The following GBE1 variants were observed in gnomAD, a reference collection of about 807,000 sequenced individuals.
GBE1 encodes 1,4-alpha-glucan-branching enzyme.
GBE1 carries 70 observed loss-of-function variants against 88.8 expected under a neutral mutation model. That is an observed-to-expected ratio of 0.79 (90% confidence interval 0.65 to 0.96). The LOEUF (loss-of-function observed/expected upper bound fraction) is 0.96, where lower values mean the gene tolerates loss of function less well. GBE1 is among the 40% of genes least tolerant of loss of function. GBE1 has a pLI of 0.00. For missense variants in GBE1, 872 were observed against 871.0 expected, an observed-to-expected ratio of 1.00 and a Z score of -0.01; for synonymous variants, 284 against 300.1, an observed-to-expected ratio of 0.95 and a Z score of 0.56.
intron 6 of GBE1, among the ~76,000 whole-genome samples, chr3:81,645,655 G>A (rs918612737): frequency 1.4e-4 from 21 of 152,052 alleles, no homozygotes; most frequent in South Asian, 4.2e-4. Flanking sequence ...ACCTATTTAC[G>A]CCCACTTCAC....
At chr3:81,531,885 G>T (rs973216071) in intron 14 of GBE1, among the ~76,000 whole-genome samples, 1 of 152,006 alleles carries the variant, frequency 6.6e-6, no homozygotes, top group Non-Finnish European at 1.5e-5. Context: ...TGGAACTCAG[G>T]TTCCAAATGC....
intron 7 of GBE1, among the ~76,000 whole-genome samples, chr3:81,627,845 G>A (rs1704440782): frequency 6.6e-6 from 1 of 151,496 alleles, no homozygotes; most frequent in Non-Finnish European, 1.5e-5. Flanking sequence ...AGTGGGCAGT[G>A]GTGCAATCAT....
chr3:81,636,823 T>G (rs1488203120), intron 7 of GBE1, among the ~76,000 whole-genome samples: 2 of 152,160 alleles, frequency 1.3e-5, no homozygotes, highest in Non-Finnish European at 2.9e-5. Flanking sequence ...AGCCGCCATG[T>G]CCAGCCATCA....
chr3:81,683,493 G>A (rs1417460060), intron 2 of GBE1, among the ~76,000 whole-genome samples: 3 of 152,122 alleles, frequency 2.0e-5, no homozygotes, highest in African/African-American at 7.2e-5. Context: ...AATTTTCAAG[G>A]CTTTTGCCAA....
At chr3:81,514,220 T>C (rs1377714616) in intron 14 of GBE1, among the ~76,000 whole-genome samples, 1 of 141,076 alleles carries the variant, frequency 7.1e-6, no homozygotes, top group African/African-American at 2.5e-5. Flanking sequence ...AAAGAACACA[T>C]GAGAAAAAAA....
chr3:81,544,465 C>T (rs563602820), intron 12 of GBE1, among the ~76,000 whole-genome samples: 2 of 152,140 alleles, frequency 1.3e-5, no homozygotes, highest in African/African-American at 4.8e-5. Flanking sequence ...TTTGAGCCAT[C>T]GCTTGGGACC....
intron 1 of GBE1, among the ~76,000 whole-genome samples, chr3:81,742,738 C>T (rs916297405): frequency 6.6e-6 from 1 of 152,032 alleles, no homozygotes; most frequent in Admixed American, 6.6e-5. Context: ...CAGAATTGCC[C>T]GAGGACTGTT....
rs570965088 is a variant in GBE1 at position 81,703,618 on chromosome 3, C to A, written c.313+1826G>T. 1.1e-3 allele frequency among the ~76,000 whole-genome samples: 160 copies of A among 152,072 alleles called. 1 individual carries two copies. Among genetic ancestry groups the A allele is most frequent in the Non-Finnish European group, 1.8e-3 (125 of 67,886 alleles). ...ACCTCTTAATTTTGTTTGGAAAAAA[C>A]TGGGTATATGAACATACTTTTAAAC... On this transcript the variant is annotated intron_variant, in intron 2 of 15. Coordinates refer to ENST00000429644, the MANE Select transcript of GBE1 (RefSeq NM_000158.4).
chr3:81,746,731 TCAAAAA>T (rs1414567610), intron 1 of GBE1, among the ~76,000 whole-genome samples: 2 of 151,746 alleles, frequency 1.3e-5, no homozygotes, highest in Non-Finnish European at 2.9e-5. Context: ...AATATGAAAA[TCAAAAA>T]CTGAAAAGAA....
At chr3:81,560,082 G>A (rs1222694662) in intron 12 of GBE1, among the ~76,000 whole-genome samples, 1 of 151,796 alleles carries the variant, frequency 6.6e-6, no homozygotes, top group Non-Finnish European at 1.5e-5. Flanking sequence ...TCAATAAATG[G>A]ATTTCTCAGA....
chr3:81,581,581 T>C (rs1383943777), intron 10 of GBE1, among the ~76,000 whole-genome samples: 3 of 152,162 alleles, frequency 2.0e-5, no homozygotes, highest in Non-Finnish European at 4.4e-5. Context: ...CTGCCACCTC[T>C]TGATTAATGC....
chr3:81,731,377 T>C (rs1706183514), intron 1 of GBE1, among the ~76,000 whole-genome samples: 1 of 152,196 alleles, frequency 6.6e-6, no homozygotes, highest in Non-Finnish European at 1.5e-5. Flanking sequence ...CTTCTTTTAT[T>C]CCTTCAGGCC....
chr3:81,753,118 T>C (rs1706554277), intron 1 of GBE1, among the ~76,000 whole-genome samples: 1 of 152,226 alleles, frequency 6.6e-6, no homozygotes, highest in Non-Finnish European at 1.5e-5. Context: ...TAAAATTTAA[T>C]TGTATAATAA....
At chr3:81,729,138 G>A (rs984652936) in intron 1 of GBE1, among the ~76,000 whole-genome samples, 1 of 152,096 alleles carries the variant, frequency 6.6e-6, no homozygotes, top group Non-Finnish European at 1.5e-5. Flanking sequence ...AAATGAACTT[G>A]CAAAATGGAA....
At chr3:81,613,149 T>A in intron 7 of GBE1, 2 of 134,820 alleles carry the variant, frequency 1.5e-5, no homozygotes, top group Non-Finnish European at 1.5e-5. Context: ...AGCTGCAGTC[T>A]TTTTTTTTTT....
intron 14 of GBE1, among the ~76,000 whole-genome samples, chr3:81,508,342 TTCTGCACTAACC>T (rs1167832881): frequency 1.3e-5 from 2 of 152,176 alleles, no homozygotes; most frequent in African/African-American, 4.8e-5. Context: ...GTGCTCACAC[TTCTGCACTAACC>T]TCTCCCTAAA....
At position 81,699,499 on chromosome 3, in the gene GBE1, T is replaced by TAA. The variant is rs144283502; in HGVS notation, c.313+5944_313+5945insTT. ...ATAGGATAGATATATAAAGGGGAGT[T>TAA]TATTAAGAATTAACTTACGCAATGG... On this transcript the variant is annotated intron_variant, in intron 2 of 15. Transcript: ENST00000429644. Among the ~76,000 whole-genome samples, 384 of 152,170 alleles carry TAA rather than the reference T, an allele frequency of 2.5e-3. 15 individuals carry two copies. The East Asian group carries it at 0.07, about 28-fold the overall frequency.
rs1703045349 is a variant in GBE1 at position 81,534,274 on chromosome 3, A to G, written c.1934+921T>C. 2.0e-5 allele frequency among the ~76,000 whole-genome samples: 3 copies of G among 152,006 alleles called. No homozygotes were observed. The South Asian group carries it at 6.2e-4, about 31-fold the overall frequency. The stretch of plus-strand genomic sequence containing the variant: ...ACTGTACATTTCCTTTGTAATAATT[A>G]TCAAACTTACAATGCCTAATATTTA... On this transcript the variant is annotated intron_variant, in intron 14 of 15. Coordinates refer to ENST00000429644, the MANE Select transcript of GBE1 (RefSeq NM_000158.4).
intron 7 of GBE1, among the ~76,000 whole-genome samples, chr3:81,641,062 A>T (rs2107056100): frequency 6.6e-6 from 1 of 152,278 alleles, no homozygotes; most frequent in Non-Finnish European, 1.5e-5. Context: ...TTGGTACAAC[A>T]AGGTACACTA....
Sources: gnomAD v4.1 joint callset for allele counts (sites outside exome capture counted in the v4.1 genomes callset) on GRCh38, gnomAD v4.1.1 for gene constraint, MANE v1.5 for transcripts, NCBI Gene and HGNC (gene_info 2026-07-23, HGNC 2026-07-21) for gene names.